The following GRID2 variants were observed in gnomAD, a reference collection of about 807,000 sequenced individuals.
The protein encoded by GRID2 is glutamate receptor ionotropic, delta-2.
A neutral mutation model predicts 114.8 loss-of-function variants in GRID2; 33 were observed. That is an observed-to-expected ratio of 0.29 (90% CI 0.22 to 0.38). The LOEUF (loss-of-function observed/expected upper bound fraction) is 0.38, where lower values mean the gene tolerates loss of function less well. Among genes scored for constraint, GRID2 ranks in the 10% least tolerant of loss-of-function variants. The pLI, the probability that GRID2 is intolerant of heterozygous loss-of-function variation, is 1.00. For synonymous variants in GRID2, 505 were observed against 449.9 expected (o/e 1.12, Z -1.55); for missense variants, 1,184 against 1,257.7 (o/e 0.94, Z 0.89).
chr4:92,802,582 A>G (rs1740226554), intron 2 of GRID2, among the ~76,000 whole-genome samples: 1 of 151,854 alleles, frequency 6.6e-6, no homozygotes, highest in African/African-American at 2.4e-5. Context: ...CATTGAACCA[A>G]TTCCAGTTAT....
chr4:92,925,058 C>T (rs914142467), intron 2 of GRID2, among the ~76,000 whole-genome samples: 4 of 152,030 alleles, frequency 2.6e-5, no homozygotes, highest in Admixed American at 1.3e-4. Flanking sequence ...AGCAAGGGTC[C>T]AGAATAAAAT....
intron 4 of GRID2, among the ~76,000 whole-genome samples, chr4:93,142,583 T>C (rs951913510): frequency 2.2e-4 from 34 of 152,156 alleles, no homozygotes; most frequent in African/African-American, 8.0e-4. Context: ...AATTTCACCA[T>C]AGGAATTGGA....
chr4:93,072,002 G>C (rs537367264), intron 2 of GRID2, among the ~76,000 whole-genome samples: 1 of 152,094 alleles, frequency 6.6e-6, no homozygotes, highest in Non-Finnish European at 1.5e-5. Context: ...TCAAAAAAAA[G>C]CACTGGAAAA....
intron 2 of GRID2, chr4:92,833,808 T>C (rs931291101): frequency 2.6e-5 from 4 of 152,234 alleles, no homozygotes; most frequent in Non-Finnish European, 5.9e-5. Context: ...GTGGCTGTGG[T>C]AACAGGCTCC....
At chr4:92,931,831 A>G (rs981829568) in intron 2 of GRID2, among the ~76,000 whole-genome samples, 3 of 151,256 alleles carry the variant, frequency 2.0e-5, no homozygotes, top group South Asian at 2.1e-4. Flanking sequence ...CGTGCAGTCA[A>G]TTGTTTTTTG....
At chr4:92,418,905 T>C (rs1322960186) in intron 1 of GRID2, among the ~76,000 whole-genome samples, 1 of 152,068 alleles carries the variant, frequency 6.6e-6, no homozygotes, top group Non-Finnish European at 1.5e-5. Context: ...TACTCAGTGC[T>C]CTCCAGTGAA....
chr4:92,827,818 A>T (rs1413924063), intron 2 of GRID2, among the ~76,000 whole-genome samples: 2 of 152,224 alleles, frequency 1.3e-5, no homozygotes, highest in East Asian at 3.9e-4. Context: ...GTTTCAAATT[A>T]TTTAACATAG....
rs1400251720 is a variant in GRID2, at chr4:92,477,824, T to C, written c.89-112307T>C. ...TAATACATTAATATAATTAAAATAA[T>C]ATATATTTTAATATATATAAATATA... On this transcript the variant is annotated intron_variant, in intron 1 of 15. Coordinates refer to ENST00000282020, the MANE Select transcript of GRID2 (RefSeq NM_001510.4). 2.0e-5 allele frequency among the ~76,000 whole-genome samples: 3 copies of C among 147,266 alleles called. No homozygotes were observed. The Admixed American group carries it at 2.1e-4, about 10-fold the overall frequency.
chr4:93,389,550 G>A (rs1039134176), intron 8 of GRID2, among the ~76,000 whole-genome samples: 3 of 152,192 alleles, frequency 2.0e-5, no homozygotes, highest in East Asian at 1.9e-4. Flanking sequence ...AATCTGCCAT[G>A]TACCAATACA....
intron 14 of GRID2, among the ~76,000 whole-genome samples, chr4:93,666,397 G>T (rs1723951093): frequency 2.0e-5 from 3 of 151,984 alleles, no homozygotes. Flanking sequence ...AAATGCTACG[G>T]TAGTGATATT....
intron 8 of GRID2, among the ~76,000 whole-genome samples, chr4:93,379,668 T>C (rs1203863636): frequency 1.3e-5 from 2 of 152,098 alleles, no homozygotes; most frequent in Non-Finnish European, 1.5e-5. Context: ...ACAAAAGTGC[T>C]GGAGATATGG....
At chr4:93,298,591 C>T (rs1754554181) in intron 8 of GRID2, among the ~76,000 whole-genome samples, 1 of 152,168 alleles carries the variant, frequency 6.6e-6, no homozygotes, top group African/African-American at 2.4e-5. Flanking sequence ...TACATAACAC[C>T]CTCCATGTCC....
chr4:93,564,075 C>G (rs1281505709), intron 13 of GRID2, among the ~76,000 whole-genome samples: 1 of 151,738 alleles, frequency 6.6e-6, no homozygotes, highest in Non-Finnish European at 1.5e-5. Flanking sequence ...TATATAGAAA[C>G]TTGGCCTCCT....
chr4:92,955,607 G>A (rs1393307738), intron 2 of GRID2, among the ~76,000 whole-genome samples: 2 of 152,068 alleles, frequency 1.3e-5, no homozygotes, highest in African/African-American at 4.8e-5. Flanking sequence ...CTGTGCAGAA[G>A]CTCTTTAGTT....
chr4:92,749,781 G>A (rs1737350773), intron 2 of GRID2, among the ~76,000 whole-genome samples: 4 of 152,104 alleles, frequency 2.6e-5, no homozygotes, highest in Admixed American at 2.0e-4. Flanking sequence ...GTAGATGGAA[G>A]GAATATATTC....
At chr4:92,802,670 G>A (rs1740233022) in intron 2 of GRID2, among the ~76,000 whole-genome samples, 1 of 151,838 alleles carries the variant, frequency 6.6e-6, no homozygotes, top group South Asian at 2.1e-4. Flanking sequence ...GTATATATTT[G>A]GATCTATTTG....
At chr4:92,475,770 T>A (rs1312630956) in intron 1 of GRID2, among the ~76,000 whole-genome samples, 1 of 152,102 alleles carries the variant, frequency 6.6e-6, no homozygotes, top group Non-Finnish European at 1.5e-5. Context: ...GTATTATGAA[T>A]ATTTTAATAA....
rs192450353 is a variant in GRID2, at chr4:93,110,805, C to A, written c.587C>A (p.Ala196Glu). Residue 196 changes from alanine to glutamate, a missense_variant, in exon 4 of 16, where the codon GCA (alanine) becomes GAA (glutamate). Coordinates refer to ENST00000282020, the MANE Select transcript of GRID2 (RefSeq NM_001510.4). The stretch of plus-strand genomic sequence containing the variant: ...GTCTCTCAGCAGGGAATGGATGTTG[C>A]ACTTCAGAAGGTAGAAAACAACATC... ...DKVSQQGMDV[A>E]LQKVENNINK... 72 of 1,612,016 alleles carry A rather than the reference C, an allele frequency of 4.5e-5. No individual in the cohort carries two copies. Among genetic ancestry groups the A allele is most frequent in the Middle Eastern group, 3.3e-4 (2 of 6,058 alleles).
intron 2 of GRID2, among the ~76,000 whole-genome samples, chr4:92,980,468 C>G (rs1046436339): frequency 1.1e-4 from 16 of 151,776 alleles, no homozygotes; most frequent in Admixed American, 1.0e-3. Context: ...ATTTAGAAAC[C>G]TCTCTTTATT....
Sources: gnomAD v4.1 joint callset for allele counts (sites outside exome capture counted in the v4.1 genomes callset) on GRCh38, gnomAD v4.1.1 for gene constraint, MANE v1.5 for transcripts, NCBI Gene and HGNC (gene_info 2026-07-23, HGNC 2026-07-21) for gene names.